Variants in ATG7 observed in about 807,000 individuals in gnomAD.
ATG7 encodes the protein ubiquitin-like modifier-activating enzyme ATG7.
In ATG7, 70 loss-of-function variants were observed where a neutral mutation model predicts 82.4. The ratio of observed to expected loss-of-function variants is 0.85; its 90% confidence interval spans 0.70 to 1.04. ATG7 has a LOEUF of 1.04. ATG7 is among the 50% of genes least tolerant of loss of function. The pLI, the probability that ATG7 is intolerant of heterozygous loss-of-function variation, is 0.00. For synonymous variants in ATG7, 287 were observed against 313.0 expected (o/e 0.92, Z 0.88); for missense variants, 792 against 864.3 (o/e 0.92, Z 1.05).
chr3:11,395,687 TC>T (rs2079155412), intron 19 of ATG7, among the ~76,000 whole-genome samples: 2 of 152,298 alleles, frequency 1.3e-5, no homozygotes, highest in East Asian at 3.9e-4. Flanking sequence ...ACGCCTGTAA[TC>T]CCAGCACTTT....
intron 20 of ATG7, among the ~76,000 whole-genome samples, chr3:11,444,555 G>GAA (rs1359675104): frequency 1.3e-5 from 2 of 152,116 alleles, no homozygotes; most frequent in African/African-American, 4.8e-5. Flanking sequence ...TTGGGTCGTA[G>GAA]AAAATATGCC....
chr3:11,569,245 T>C, the ATG7 span, among the ~76,000 whole-genome samples: 1 of 152,204 alleles, frequency 6.6e-6, no homozygotes, highest in African/African-American at 2.4e-5. Flanking sequence ...TGCGCTGGGC[T>C]TCATTCACCG....
chr3:11,285,110 A>G (rs1943752506), intron 3 of ATG7, among the ~76,000 whole-genome samples: 1 of 144,640 alleles, frequency 6.9e-6, no homozygotes, highest in African/African-American at 2.6e-5. Context: ...TCGGCCTCCC[A>G]GAGTGCTAGG....
intron 20 of ATG7, among the ~76,000 whole-genome samples, chr3:11,483,783 C>A (rs1055138391): frequency 1.3e-5 from 2 of 152,118 alleles, no homozygotes; most frequent in Non-Finnish European, 2.9e-5. Context: ...TACACAATGA[C>A]CCTGCAGCCA....
At position 11,298,712 on chromosome 3, in the gene ATG7, G is replaced by C. The variant is rs748027048; in HGVS notation, c.17G>C (p.Gly6Ala). 3 of 1,613,860 alleles carry C rather than the reference G, an allele frequency of 1.9e-6. No individual in the cohort carries two copies. Among genetic ancestry groups the C allele is most frequent in the Non-Finnish European group, 2.5e-6 (3 of 1,179,914 alleles). The change falls in exon 4 of 21, where the codon GGG (glycine) becomes GCG (alanine). Residue 6 changes from glycine (G) to alanine (A), a missense_variant. Gly to Ala is a moderately conservative substitution (Grantham distance 60). Transcript: ENST00000693202. Reference protein sequence around the residue: MAAATGDPGLSKLQFA... With the variant: MAAATADPGLSKLQFA... ...CAAGAAATAATGGCGGCAGCTACGGGGGATCCTGGACTCTCTAAACTGCAG... is the reference window on the plus strand; with the variant it reads ...CAAGAAATAATGGCGGCAGCTACGGCGGATCCTGGACTCTCTAAACTGCAG...
At chr3:11,383,714 C>G (rs1050477451) in intron 19 of ATG7, among the ~76,000 whole-genome samples, 3 of 152,178 alleles carry the variant, frequency 2.0e-5, no homozygotes, top group Admixed American at 6.5e-5. Context: ...TCCCAAAGTG[C>G]TGAGATTACA....
intron 4 of ATG7, 32 bp downstream of exon 4, chr3:11,298,887 C>A: frequency 1.2e-6 from 2 of 1,611,114 alleles, no homozygotes; most frequent in Non-Finnish European, 1.7e-6. Flanking sequence ...TTTCCATCAT[C>A]TTCTGTTATC....
At chr3:11,510,915 A>C (rs1265953056) in intron 20 of ATG7, among the ~76,000 whole-genome samples, 1 of 152,152 alleles carries the variant, frequency 6.6e-6, no homozygotes, top group African/African-American at 2.4e-5. Context: ...ACTGACTTCA[A>C]GAATGAAGCC....
chr3:11,294,923 G>GTGAA (rs1945615512), intron 3 of ATG7, among the ~76,000 whole-genome samples: 1 of 152,144 alleles, frequency 6.6e-6, no homozygotes. Flanking sequence ...GACCAGCCTG[G>GTGAA]CCAACATAGT....
In ATG7 at chr3:11,372,893, A is replaced by G. The variant is rs1178078888; in HGVS notation, c.1876-7079A>G. 2.0e-5 allele frequency among the ~76,000 whole-genome samples: 3 copies of G among 150,850 alleles called. No individual in the cohort carries two copies. The East Asian group carries it at 5.8e-4, about 29-fold the overall frequency. On this transcript the variant is annotated intron_variant, in intron 18 of 20. Transcript: ENST00000693202. ...TCGGCCATGTTTTCCCCTTGTGGGG[A>G]GAGGGGAGAATGAGAAAACAATATT... is the stretch of plus-strand genomic sequence containing the variant.
intron 19 of ATG7, among the ~76,000 whole-genome samples, chr3:11,408,757 G>C (rs1205206007): frequency 3.9e-5 from 6 of 152,126 alleles, no homozygotes; most frequent in Non-Finnish European, 8.8e-5. Context: ...GCATGGGAAA[G>C]ACCCACCCCC....
intron 14 of ATG7, among the ~76,000 whole-genome samples, chr3:11,353,239 C>T (rs577839700): frequency 3.5e-4 from 53 of 152,058 alleles, no homozygotes; most frequent in African/African-American, 1.1e-3. Flanking sequence ...GTCAAGAGAT[C>T]GAGACCATCC....
chr3:11,529,059 T>TG (rs1350871021), intron 20 of ATG7, among the ~76,000 whole-genome samples: 2 of 151,204 alleles, frequency 1.3e-5, no homozygotes, highest in African/African-American at 2.4e-5. Flanking sequence ...GAAGGCACTG[T>TG]GGAAAAAAGG....
chr3:11,348,198 A>G (rs1954865563), intron 14 of ATG7, 163 bp downstream of exon 14: 13 of 975,746 alleles, frequency 1.3e-5, no homozygotes, highest in Non-Finnish European at 1.9e-5. Flanking sequence ...AGAGAGGGAT[A>G]AAAAAACACA....
At chr3:11,562,068 T>C (rs1479745529), downstream of ATG7, among the ~76,000 whole-genome samples, 1 of 151,964 alleles carries the variant, frequency 6.6e-6, no homozygotes, top group African/African-American at 2.4e-5. Flanking sequence ...TGGCTAATTT[T>C]TGTACTTTTA....
chr3:11,439,767 C>T (rs2083705651), intron 20 of ATG7, among the ~76,000 whole-genome samples: 1 of 152,138 alleles, frequency 6.6e-6, no homozygotes, highest in South Asian at 2.1e-4. Context: ...AAAAGCTTTC[C>T]AGAAGGGCCT....
At chr3:11,516,670 A>G (rs2092291990) in intron 20 of ATG7, among the ~76,000 whole-genome samples, 1 of 152,360 alleles carries the variant, frequency 6.6e-6, no homozygotes, top group East Asian at 1.9e-4. Flanking sequence ...AGCAACCGAG[A>G]TGTCCTTCAG....
At chr3:11,291,274 G>C (rs1162338490) in intron 3 of ATG7, among the ~76,000 whole-genome samples, 2 of 152,204 alleles carry the variant, frequency 1.3e-5, no homozygotes, top group Non-Finnish European at 2.9e-5. Flanking sequence ...TTCCACATTG[G>C]ATGATAGCTC....
At chr3:11,362,450 T>C (rs545676983) in intron 16 of ATG7, among the ~76,000 whole-genome samples, 1 of 152,332 alleles carries the variant, frequency 6.6e-6, no homozygotes, top group Admixed American at 6.5e-5. Context: ...CAAATCATTG[T>C]TCCTTTCTGT....
Sources: allele counts gnomAD v4.1 joint callset (sites outside exome capture counted in the v4.1 genomes callset), GRCh38; gene constraint gnomAD v4.1.1; transcripts MANE v1.5; gene names NCBI Gene and HGNC (gene_info 2026-07-23, HGNC 2026-07-21).